RAD51: variants seen among roughly 807,000 people sequenced by gnomAD.
The protein encoded by RAD51 is RAD51 recombinase.
A neutral mutation model predicts 41.5 loss-of-function variants in RAD51; 14 were observed. That is an observed-to-expected ratio of 0.34 (90% CI 0.22 to 0.53). The LOEUF is 0.53. Among genes scored for constraint, RAD51 ranks in the 20% least tolerant of loss-of-function variants. The pLI is 0.95. For missense variants in RAD51, 234 were observed against 422.0 expected, an observed-to-expected ratio of 0.55 and a Z score of 3.90; for synonymous variants, 136 against 148.6, an observed-to-expected ratio of 0.92 and a Z score of 0.62.
At chr15:40,722,885 G>T (rs1174583555) in intron 6 of RAD51, among the ~76,000 whole-genome samples, 4 of 152,238 alleles carry the variant, frequency 2.6e-5, no homozygotes, top group Non-Finnish European at 5.9e-5. Context: ...AAACTTCTGT[G>T]CTTCAAAGGA....
chr15:40,726,144 TTA>T (rs1358855535), intron 6 of RAD51, among the ~76,000 whole-genome samples: 1 of 152,218 alleles, frequency 6.6e-6, no homozygotes, highest in African/African-American at 2.4e-5. Flanking sequence ...TTTTTCAAAC[TTA>T]TATGTTAAGA....
intron 1 of RAD51, among the ~76,000 whole-genome samples, chr15:40,697,895 C>T (rs1263804778): frequency 6.6e-6 from 1 of 152,144 alleles, no homozygotes; most frequent in Non-Finnish European, 1.5e-5. Context: ...AATGAATGAT[C>T]AAATCAGGGT....
At chr15:40,697,393 A>G (rs1894709770) in intron 1 of RAD51, among the ~76,000 whole-genome samples, 1 of 150,478 alleles carries the variant, frequency 6.6e-6, no homozygotes, top group Non-Finnish European at 1.5e-5. Flanking sequence ...CGTGAGCCAC[A>G]GTGCCCAGTA....
chr15:40,698,314 G>T (rs1440657447), intron 1 of RAD51, among the ~76,000 whole-genome samples: 1 of 150,850 alleles, frequency 6.6e-6, no homozygotes, highest in Non-Finnish European at 1.5e-5. Flanking sequence ...TCAGCCTCCC[G>T]AGTAGCTGGG....
chr15:40,730,680 C>T (rs552285336), intron 9 of RAD51, among the ~76,000 whole-genome samples: 2 of 151,620 alleles, frequency 1.3e-5, no homozygotes, highest in Admixed American at 1.3e-4. Context: ...CGCCACCACA[C>T]CTGGCTAATT....
chr15:40,716,374 CTT>C (rs1039394050), intron 5 of RAD51, among the ~76,000 whole-genome samples: 1 of 144,924 alleles, frequency 6.9e-6, no homozygotes, highest in African/African-American at 2.5e-5. Context: ...GCCACTTCCT[CTT>C]TTTTTTTTTA....
In RAD51 at chr15:40,729,925, C is replaced by T. The variant is rs1353527989; in HGVS notation, c.847C>T (p.Pro283Ser). 1.2e-6 allele frequency: 2 copies of T among 1,613,930 alleles called. No individual in the cohort carries two copies. The highest frequency in any genetic ancestry group is 2.7e-5 in the African/African-American group (2 of 74,892). Reference protein sequence around the residue: ...VDGAAMFAADPKKPIGGNIIA... With the variant: ...VDGAAMFAADSKKPIGGNIIA... ...TGGAGCAGCGATGTTTGCTGCTGAT[C>T]CCAAAAAACCTATTGGAGGAAATAT... Residue 283 changes from proline (P) to serine (S), a missense_variant, in exon 9 of 10, where the codon CCC (proline) becomes TCC (serine). Around this residue, in one of 2 missense-constraint regions of RAD51, gnomAD observed 134 missense variants for 286.5 expected, o/e 0.47. Coordinates refer to ENST00000267868, the MANE Select transcript of RAD51 (RefSeq NM_002875.5).
intron 5 of RAD51, among the ~76,000 whole-genome samples, chr15:40,710,166 C>T (rs1324943745): frequency 4.8e-5 from 7 of 146,118 alleles, no homozygotes; most frequent in South Asian, 2.2e-4. Flanking sequence ...GGCGTGAACC[C>T]GGGAGGCACA....
intron 9 of RAD51, 26 bp from the exon 10 acceptor site, chr15:40,731,029 T>A (rs1290376207): frequency 6.2e-7 from 1 of 1,613,914 alleles, no homozygotes; most frequent in Non-Finnish European, 8.5e-7. Flanking sequence ...AATAAATTGG[T>A]GCTTTGGTCT....
intron 3 of RAD51, 152 bp downstream of exon 3, chr15:40,701,353 TTTC>T (rs1184401967): frequency 1.1e-6 from 1 of 885,026 alleles, no homozygotes; most frequent in African/African-American, 1.7e-5. Flanking sequence ...CTTCTTTTCT[TTTC>T]TTTTCTTTTT....
intron 1 of RAD51, among the ~76,000 whole-genome samples, chr15:40,697,334 A>C (rs1348750758): frequency 1.3e-5 from 2 of 152,028 alleles, no homozygotes; most frequent in Non-Finnish European, 2.9e-5. Context: ...GAACTCCTGA[A>C]CTTAGGTGAT....
chr15:40,717,970 G>T (rs1896068035), intron 5 of RAD51, among the ~76,000 whole-genome samples: 2 of 152,144 alleles, frequency 1.3e-5, no homozygotes, highest in South Asian at 2.1e-4. Context: ...GGTGGCTCAC[G>T]CCTGTAATCC....
intron 5 of RAD51, among the ~76,000 whole-genome samples, chr15:40,712,874 TTTC>T (rs1490762711): frequency 3.9e-5 from 4 of 103,798 alleles, no homozygotes; most frequent in Non-Finnish European, 7.4e-5. Flanking sequence ...TTTCTTTTCT[TTTC>T]TTTTTTTTTT....
intron 5 of RAD51, among the ~76,000 whole-genome samples, chr15:40,710,280 A>G (rs1478853241): frequency 7.1e-4 from 104 of 147,342 alleles, no homozygotes; most frequent in Middle Eastern, 6.5e-3. Flanking sequence ...AGAAGAAGAA[A>G]AAAAAAAGAT....
chr15:40,726,548 C>G (rs934601760), intron 6 of RAD51, among the ~76,000 whole-genome samples: 3 of 151,740 alleles, frequency 2.0e-5, no homozygotes, highest in Non-Finnish European at 4.4e-5. Context: ...GTCACCACAG[C>G]CTGCCCAGGA....
chr15:40,726,756 TA>T (rs1260904839), intron 6 of RAD51, among the ~76,000 whole-genome samples: 1 of 151,294 alleles, frequency 6.6e-6, no homozygotes, highest in Non-Finnish European at 1.5e-5. Flanking sequence ...CTACTAAAAA[TA>T]AAAAAATTAG....
intron 5 of RAD51, among the ~76,000 whole-genome samples, chr15:40,713,700 G>C (rs1366492039): frequency 2.0e-5 from 3 of 150,072 alleles, no homozygotes; most frequent in Admixed American, 6.7e-5. Flanking sequence ...TCCGCCTCCT[G>C]GGTTCACGCC....
chr15:40,729,351 C>G (rs573245684), intron 7 of RAD51, among the ~76,000 whole-genome samples, 154 bp from the exon 8 acceptor site: 6 of 117,032 alleles, frequency 5.1e-5, no homozygotes, highest in Non-Finnish European at 8.0e-5. Context: ...CCAGCCTGGG[C>G]GACAGAGCTA....
chr15:40,702,272 TTC>T (rs1284717767), intron 3 of RAD51, among the ~76,000 whole-genome samples: 1 of 152,134 alleles, frequency 6.6e-6, no homozygotes, highest in East Asian at 1.9e-4. Context: ...CCTAAAGTCT[TTC>T]TGTTTTCGCT....
Sources: allele counts gnomAD v4.1 joint callset (sites outside exome capture counted in the v4.1 genomes callset), GRCh38; gene constraint gnomAD v4.1.1; regional missense constraint gnomAD v4.1.1; transcripts MANE v1.5; gene names NCBI Gene and HGNC (gene_info 2026-07-23, HGNC 2026-07-21).